FAT3: variants seen among roughly 807,000 people sequenced by gnomAD.
FAT3 encodes protocadherin Fat 3.
A neutral mutation model predicts 310.2 loss-of-function variants in FAT3; 95 were observed. The observed-to-expected ratio is 0.31, with a 90% CI of 0.26 to 0.36. FAT3 has a LOEUF of 0.36. Among genes scored for constraint, FAT3 ranks in the 10% least tolerant of loss-of-function variants. The pLI, the probability that FAT3 is intolerant of heterozygous loss-of-function variation, is 1.00. For synonymous variants in FAT3, 2,314 were observed against 2,192.9 expected, an observed-to-expected ratio of 1.06 and a Z score of -1.54; for missense variants, 5,408 against 5,715.6, an observed-to-expected ratio of 0.95 and a Z score of 1.74.
chr11:92,575,343 T>C (rs1363238975), intron 3 of FAT3, among the ~76,000 whole-genome samples: 1 of 152,172 alleles, frequency 6.6e-6, no homozygotes, highest in Non-Finnish European at 1.5e-5. Flanking sequence ...GGCAATGACA[T>C]GAATTGATTG....
At chr11:92,515,860 T>C (rs1953464420) in intron 2 of FAT3, among the ~76,000 whole-genome samples, 1 of 152,086 alleles carries the variant, frequency 6.6e-6, no homozygotes, top group African/African-American at 2.4e-5. Context: ...TGTAATACTG[T>C]CTCTGTTTGG....
chr11:92,601,389 G>T (rs1014441497), intron 3 of FAT3, among the ~76,000 whole-genome samples: 4 of 152,044 alleles, frequency 2.6e-5, no homozygotes, highest in Non-Finnish European at 5.9e-5. Context: ...GTGAAACACT[G>T]TCTCTACTAA....
At chr11:92,509,978 G>A (rs1452858202) in intron 2 of FAT3, among the ~76,000 whole-genome samples, 1 of 152,052 alleles carries the variant, frequency 6.6e-6, no homozygotes, top group Non-Finnish European at 1.5e-5. Context: ...AGTTTCTGCT[G>A]TTCAAAAGAT....
rs376947953 is a variant in FAT3, at chr11:92,524,713, C to T, written c.3372C>T (p.Gly1124=). The change falls in exon 3 of 28, where the codon GGC becomes GGT. Residue 1124 remains glycine, a synonymous_variant. Transcript: ENST00000525166. ...YWLTVYATDR[G]VVPLYSTIEV... is the part of the protein sequence containing the mutation. ...TAACAGTGTATGCCACAGACAGGGGCGTTGTTCCACTCTACTCCACCATTG... is the reference window on the plus strand; with the variant it reads ...TAACAGTGTATGCCACAGACAGGGGTGTTGTTCCACTCTACTCCACCATTG... 298 of 1,613,724 alleles carry T rather than the reference C, an allele frequency of 1.8e-4. 2 individuals carry two copies. The African/African-American group carries it at 3.3e-3, about 18-fold the overall frequency.
intron 2 of FAT3, among the ~76,000 whole-genome samples, chr11:92,371,414 C>T (rs1266346406): frequency 6.6e-6 from 1 of 150,896 alleles, no homozygotes; most frequent in East Asian, 1.9e-4. Context: ...GCCCTAAGTA[C>T]CTCCTTAGGG....
intron 3 of FAT3, among the ~76,000 whole-genome samples, chr11:92,625,051 C>G (rs1393838073): frequency 6.6e-6 from 1 of 152,160 alleles, no homozygotes; most frequent in Non-Finnish European, 1.5e-5. Context: ...TCTGTAGAGA[C>G]CATGTCTCCA....
chr11:92,866,700 T>G (rs759821635), intron 21 of FAT3, 41 bp from the exon 22 acceptor site: 10 of 1,557,334 alleles, frequency 6.4e-6, no homozygotes, highest in Non-Finnish European at 8.7e-6. Flanking sequence ...ATATTCCCAG[T>G]TGCATGTTGA....
intron 1 of FAT3, among the ~76,000 whole-genome samples, chr11:92,325,060 G>T (rs1947729032): frequency 6.6e-6 from 1 of 152,202 alleles, no homozygotes; most frequent in East Asian, 1.9e-4. Flanking sequence ...TCTCTGGGGA[G>T]ATATCTCTGG....
At chr11:92,829,151 G>A (rs1345805517) in intron 13 of FAT3, among the ~76,000 whole-genome samples, 1 of 152,188 alleles carries the variant, frequency 6.6e-6, no homozygotes, top group East Asian at 1.9e-4. Flanking sequence ...TGGGCAAAGA[G>A]CCTAAGGAAA....
intron 1 of FAT3, among the ~76,000 whole-genome samples, chr11:92,284,964 A>T (rs1002139153): frequency 6.6e-6 from 1 of 152,196 alleles, no homozygotes; most frequent in African/African-American, 2.4e-5. Flanking sequence ...TTGAAGTTAG[A>T]TGCTCATAGC....
intron 5 of FAT3, among the ~76,000 whole-genome samples, chr11:92,762,561 C>T (rs1946181642): frequency 6.6e-6 from 1 of 152,184 alleles, no homozygotes; most frequent in South Asian, 2.1e-4. Context: ...GTCCCCGAGA[C>T]TTCCCATAGA....
At chr11:92,548,683 G>A (rs1246079948) in intron 3 of FAT3, among the ~76,000 whole-genome samples, 1 of 152,176 alleles carries the variant, frequency 6.6e-6, no homozygotes, top group Admixed American at 6.5e-5. Context: ...ACCTATAGCA[G>A]TGTAACTTTT....
chr11:92,228,423 T>C (rs1297943376), intron 1 of FAT3, among the ~76,000 whole-genome samples: 1 of 152,196 alleles, frequency 6.6e-6, no homozygotes, highest in Non-Finnish European at 1.5e-5. Context: ...CACTGACCTG[T>C]ATGCTATACG....
At chr11:92,815,083 A>G (rs1947788185) in intron 13 of FAT3, among the ~76,000 whole-genome samples, 1 of 152,202 alleles carries the variant, frequency 6.6e-6, no homozygotes, top group Non-Finnish European at 1.5e-5. Context: ...AGGCCACTTA[A>G]TTAAACAGAT....
At chr11:92,460,811 G>A (rs545458774) in intron 2 of FAT3, among the ~76,000 whole-genome samples, 1 of 152,284 alleles carries the variant, frequency 6.6e-6, no homozygotes, top group Non-Finnish European at 1.5e-5. Context: ...TAATTATGTT[G>A]TAGATATGTA....
chr11:92,634,922 C>T (rs1941703430), intron 3 of FAT3, among the ~76,000 whole-genome samples: 1 of 152,096 alleles, frequency 6.6e-6, no homozygotes, highest in African/African-American at 2.4e-5. Flanking sequence ...GACCACACAG[C>T]GTTCTCTCTT....
chr11:92,356,629 C>T (rs1393651867), intron 2 of FAT3, among the ~76,000 whole-genome samples: 1 of 152,126 alleles, frequency 6.6e-6, no homozygotes, highest in Non-Finnish European at 1.5e-5. Flanking sequence ...CTAATGCCAT[C>T]ATTAAGGCTG....
At chr11:92,472,908 G>A (rs1031147381) in intron 2 of FAT3, among the ~76,000 whole-genome samples, 4 of 152,094 alleles carry the variant, frequency 2.6e-5, no homozygotes, top group African/African-American at 9.7e-5. Flanking sequence ...CACTCTTATA[G>A]GCCAGTTTTT....
Position 92,265,041 on chromosome 11 carries a change from A to C in FAT3, c.-18+39867A>C, listed in dbSNP as rs568143100. On this transcript the variant is annotated intron_variant, in intron 1 of 27. Transcript: ENST00000525166. ...AAGGAAAAAAAAGGTTGAAAAAAAA[A>C]CCAAAATAATTGCTAAGCCGAGTCT... is the stretch of plus-strand genomic sequence containing the variant. 9.2e-5 allele frequency among the ~76,000 whole-genome samples: 14 copies of C among 152,118 alleles called. No individual in the cohort carries two copies. The South Asian group carries it at 1.0e-3, about 11-fold the overall frequency.
Sources: gnomAD v4.1 joint callset for allele counts (sites outside exome capture counted in the v4.1 genomes callset) on GRCh38, gnomAD v4.1.1 for gene constraint, MANE v1.5 for transcripts, NCBI Gene and HGNC (gene_info 2026-07-23, HGNC 2026-07-21) for gene names.